The following SPOCK1 variants were observed in gnomAD, a reference collection of about 807,000 sequenced individuals.
SPOCK1 encodes SPARC (osteonectin), cwcv and kazal like domains proteoglycan 1, also known as testican-1.
In SPOCK1, 23 loss-of-function variants were observed where a neutral mutation model predicts 55.3. The observed-to-expected ratio is 0.42, with a 90% confidence interval of 0.30 to 0.59. The LOEUF is 0.59. Among genes scored for constraint, SPOCK1 ranks in the 20% least tolerant of loss-of-function variants. The pLI is 0.22. For missense variants in SPOCK1, 499 were observed against 552.5 expected (o/e 0.90, Z 0.97); for synonymous variants, 226 against 221.0 (o/e 1.02, Z -0.20).
At chr5:137,231,637 C>T (rs1310342906) in intron 3 of SPOCK1, among the ~76,000 whole-genome samples, 1 of 152,230 alleles carries the variant, frequency 6.6e-6, no homozygotes, top group Non-Finnish European at 1.5e-5. Flanking sequence ...ACCACTCACT[C>T]ACTGAAGGCC....
rs746641246 is a variant in SPOCK1 at position 136,978,670 on chromosome 5, ACCTCATCCTCTTTGTCATCAT to A, written c.1283_1303del (p.Asp428_Glu434del). 1.9e-6 allele frequency: 3 copies of A among 1,610,084 alleles called. No individual in the cohort carries two copies. Among genetic ancestry groups the A allele is most frequent in the Non-Finnish European group, 2.5e-6 (3 of 1,178,588 alleles). On this transcript the variant is annotated inframe_deletion, in exon 11 of 11. Coordinates refer to ENST00000394945, the MANE Select transcript of SPOCK1 (RefSeq NM_004598.4). ...TTGTGGGCACTACCATATGTACCCG[ACCTCATCCTCTTTGTCATCAT>A]CCTCATCCTCATCATCCTCTGTCAC...
chr5:137,032,041 T>A (rs992963416), intron 6 of SPOCK1, among the ~76,000 whole-genome samples: 2 of 147,978 alleles, frequency 1.4e-5, no homozygotes, highest in Admixed American at 6.8e-5. Flanking sequence ...CATATATATA[T>A]AATATATAAT....
chr5:137,485,010 T>A (rs1374575247), intron 2 of SPOCK1, among the ~76,000 whole-genome samples: 4 of 152,202 alleles, frequency 2.6e-5, no homozygotes, highest in Non-Finnish European at 5.9e-5. Flanking sequence ...AATAAAAATT[T>A]TAGTATTCAA....
chr5:137,053,839 A>T (rs1027836653), intron 6 of SPOCK1, among the ~76,000 whole-genome samples: 17 of 152,188 alleles, frequency 1.1e-4, no homozygotes, highest in Non-Finnish European at 1.5e-5. Flanking sequence ...CACGGGCCAG[A>T]ACTGAATCAC....
intron 2 of SPOCK1, among the ~76,000 whole-genome samples, chr5:137,407,491 G>T (rs1752124810): frequency 6.6e-6 from 1 of 152,098 alleles, no homozygotes; most frequent in Admixed American, 6.5e-5. Context: ...ATCAGATTAG[G>T]AAACTATTCC....
At chr5:137,176,800 G>T (rs552757560) in intron 3 of SPOCK1, among the ~76,000 whole-genome samples, 1 of 152,228 alleles carries the variant, frequency 6.6e-6, no homozygotes. Flanking sequence ...GTATCTAGTT[G>T]ATGAAATGCA....
intron 3 of SPOCK1, among the ~76,000 whole-genome samples, chr5:137,225,060 C>A (rs1755919972): frequency 6.6e-6 from 1 of 152,152 alleles, no homozygotes; most frequent in Non-Finnish European, 1.5e-5. Flanking sequence ...CATGTTCAAT[C>A]TCTTTGCAGG....
intron 6 of SPOCK1, among the ~76,000 whole-genome samples, chr5:137,007,839 C>T (rs765293159): frequency 2.0e-5 from 3 of 152,048 alleles, no homozygotes; most frequent in Non-Finnish European, 2.9e-5. Flanking sequence ...CACAGGCACA[C>T]GTATGCTTAT....
chr5:137,104,590 G>A (rs1419397736), intron 5 of SPOCK1, among the ~76,000 whole-genome samples: 3 of 152,172 alleles, frequency 2.0e-5, no homozygotes, highest in African/African-American at 4.8e-5. Context: ...GTGGGCAAGC[G>A]AGCATTACTG....
chr5:137,169,204 G>T (rs539355105), intron 3 of SPOCK1, among the ~76,000 whole-genome samples: 1 of 152,040 alleles, frequency 6.6e-6, no homozygotes, highest in African/African-American at 2.4e-5. Flanking sequence ...TGAGGGGTTG[G>T]GGGGAAGTGG....
intron 6 of SPOCK1, among the ~76,000 whole-genome samples, chr5:137,009,151 T>C (rs1445673001): frequency 6.6e-6 from 1 of 152,176 alleles, no homozygotes; most frequent in African/African-American, 2.4e-5. Flanking sequence ...TATTGATTTT[T>C]ACAAGAAATA....
chr5:136,992,401 T>G, intron 7 of SPOCK1, 83 bp downstream of exon 7: 2 of 996,344 alleles, frequency 2.0e-6, no homozygotes, highest in Non-Finnish European at 3.0e-6. Context: ...ATGTAATGGG[T>G]GTTTTTCACC....
chr5:137,391,292 G>A (rs1751717384), intron 2 of SPOCK1, among the ~76,000 whole-genome samples: 1 of 152,072 alleles, frequency 6.6e-6, no homozygotes, highest in Admixed American at 6.6e-5. Flanking sequence ...TCTTTATCCA[G>A]TCTATCACTG....
chr5:137,205,490 T>A (rs546724516), intron 3 of SPOCK1, among the ~76,000 whole-genome samples: 1 of 152,152 alleles, frequency 6.6e-6, no homozygotes, highest in Non-Finnish European at 1.5e-5. Context: ...CTCCATGAGA[T>A]GAAAAAGGCT....
chr5:137,403,084 C>G (rs1274207908), intron 2 of SPOCK1, among the ~76,000 whole-genome samples: 1 of 152,244 alleles, frequency 6.6e-6, no homozygotes, highest in African/African-American at 2.4e-5. Flanking sequence ...CCTTCCTTCT[C>G]CATTTACTCC....
At chr5:137,455,043 C>T (rs1753333748) in intron 2 of SPOCK1, among the ~76,000 whole-genome samples, 1 of 152,178 alleles carries the variant, frequency 6.6e-6, no homozygotes, top group Non-Finnish European at 1.5e-5. Context: ...GGGTAAGTTT[C>T]TCCAGATACA....
chr5:137,377,029 T>A (rs2127173270), intron 2 of SPOCK1, among the ~76,000 whole-genome samples: 1 of 152,314 alleles, frequency 6.6e-6, no homozygotes, highest in South Asian at 2.1e-4. Context: ...GGGCTCTCAT[T>A]GCTCCACAAA....
At chr5:137,332,731 CTACACTTGATCTTATCCAAAA>C (rs1758209716) in intron 2 of SPOCK1, among the ~76,000 whole-genome samples, 1 of 151,834 alleles carries the variant, frequency 6.6e-6, no homozygotes, top group African/African-American at 2.4e-5. Context: ...TGTGTAGATA[CTACACTTGATCTTATCCAAAA>C]GGCCGAGAAG....
intron 3 of SPOCK1, among the ~76,000 whole-genome samples, chr5:137,219,214 T>G (rs1369390937): frequency 1.3e-5 from 2 of 152,186 alleles, no homozygotes; most frequent in Non-Finnish European, 2.9e-5. Flanking sequence ...GATGCTAAGA[T>G]GACAAAAATC....
Sources: gnomAD v4.1 joint callset for allele counts (sites outside exome capture counted in the v4.1 genomes callset) on GRCh38, gnomAD v4.1.1 for gene constraint, MANE v1.5 for transcripts, NCBI Gene and HGNC (gene_info 2026-07-23, HGNC 2026-07-21) for gene names.